The following SNX14 variants were observed in gnomAD, a reference collection of about 807,000 sequenced individuals.
SNX14 encodes the protein sorting nexin 14, also known as sorting nexin-14.
Under a neutral mutation model 133.8 loss-of-function variants are expected in SNX14, and 93 were observed. The observed-to-expected ratio is 0.70, with a 90% CI of 0.59 to 0.83. SNX14 has a LOEUF of 0.83. SNX14 is among the 40% of genes least tolerant of loss of function. The probability of loss-of-function intolerance (pLI) is 0.00; values close to 1 mark genes in which losing one functional copy is unlikely to be tolerated. For synonymous variants in SNX14, 368 were observed against 365.6 expected, an observed-to-expected ratio of 1.01 and a Z score of -0.07; for missense variants, 945 against 1,094.9, an observed-to-expected ratio of 0.86 and a Z score of 1.93.
At chr6:85,517,616 C>G (rs1225406857) in intron 23 of SNX14, 140 bp downstream of exon 23, 11 of 973,712 alleles carry the variant, frequency 1.1e-5, no homozygotes, top group East Asian at 2.7e-5. Flanking sequence ...CTCTGTATAC[C>G]GTTCAACTGA....
rs1419916736 is a variant in SNX14, at chr6:85,533,654, T to C, written c.1755A>G (p.Lys585=). The change falls in exon 18 of 29, where the codon AAA becomes AAG. Residue 585 remains lysine, a synonymous_variant. Transcript: ENST00000314673. ...FEDPSSERKE[K]KERIPVFCID... ...TACAAAACACAGGAATTCTTTCTTTTTTCTCCTTCCTTTCAGAGGAGGGAT... is the reference window on the plus strand; with the variant it reads ...TACAAAACACAGGAATTCTTTCTTTCTTCTCCTTCCTTTCAGAGGAGGGAT... 6.2e-7 allele frequency: 1 copy of C among 1,613,880 alleles called. No individual in the cohort carries two copies. Among genetic ancestry groups the C allele is most frequent in the African/African-American group, 1.3e-5 (1 of 75,058 alleles).
chr6:85,560,105 A>G (rs1442762733), intron 6 of SNX14, among the ~76,000 whole-genome samples: 1 of 152,176 alleles, frequency 6.6e-6, no homozygotes, highest in African/African-American at 2.4e-5. Context: ...TTAGACATAG[A>G]GTTTTTGATC....
intron 7 of SNX14, among the ~76,000 whole-genome samples, chr6:85,557,511 A>C (rs1790151518): frequency 6.6e-6 from 1 of 152,220 alleles, no homozygotes; most frequent in Non-Finnish European, 1.5e-5. Flanking sequence ...GTGAAAGACA[A>C]GACTAGATCT....
chr6:85,558,823 T>G (rs1339233577), intron 6 of SNX14, among the ~76,000 whole-genome samples: 1 of 151,992 alleles, frequency 6.6e-6, no homozygotes, highest in Non-Finnish European at 1.5e-5. Flanking sequence ...TAGAATAAAA[T>G]TAAGTTTCAT....
chr6:85,565,794 T>A (rs1269738360), intron 5 of SNX14, among the ~76,000 whole-genome samples: 1 of 152,140 alleles, frequency 6.6e-6, no homozygotes, highest in Admixed American at 6.5e-5. Flanking sequence ...TTAAATAGTT[T>A]AAAATACTTA....
chr6:85,578,298 C>T (rs1354080327), intron 1 of SNX14, among the ~76,000 whole-genome samples: 2 of 152,052 alleles, frequency 1.3e-5, no homozygotes, highest in Admixed American at 1.3e-4. Flanking sequence ...GATTTGGTAA[C>T]AAGAATTAAA....
At chr6:85,578,059 A>T (rs1797870242) in intron 1 of SNX14, among the ~76,000 whole-genome samples, 1 of 152,218 alleles carries the variant, frequency 6.6e-6, no homozygotes, top group Admixed American at 6.5e-5. Flanking sequence ...GAGTAAGTTA[A>T]GGTTTTTGAT....
chr6:85,581,231 A>G (rs1471867941), intron 1 of SNX14: 1 of 152,202 alleles, frequency 6.6e-6, no homozygotes, highest in Non-Finnish European at 1.5e-5. Context: ...ATTTTATCCA[A>G]CACCACCAAG....
At chr6:85,592,825 TAAA>T (rs11427677) in intron 1 of SNX14, among the ~76,000 whole-genome samples, 8 of 130,652 alleles carry the variant, frequency 6.1e-5, no homozygotes, top group Non-Finnish European at 6.5e-5. Context: ...CCGTCTCTAC[TAAA>T]AAAAAAAAAA....
chr6:85,556,411 A>T (rs35510369), intron 7 of SNX14, among the ~76,000 whole-genome samples: 18,102 of 151,310 alleles, frequency 0.12, 1,654 homozygotes, highest in African/African-American at 0.26. Context: ...AAGAAAAAAA[A>T]TTTGTTTTTA....
At chr6:85,572,075 C>G in intron 4 of SNX14, 62 bp downstream of exon 4, 1 of 1,417,990 alleles carries the variant, frequency 7.1e-7, no homozygotes, top group South Asian at 1.3e-5. Flanking sequence ...ATTAAAAATT[C>G]TGGAAAATTT....
chr6:85,557,116 T>C (rs557361468), intron 7 of SNX14, among the ~76,000 whole-genome samples: 4 of 152,226 alleles, frequency 2.6e-5, no homozygotes, highest in African/African-American at 9.6e-5. Context: ...AAACAAAAAA[T>C]ATGACCGTGA....
intron 26 of SNX14, among the ~76,000 whole-genome samples, chr6:85,512,388 G>A (rs139190993): frequency 7.2e-5 from 11 of 152,232 alleles, no homozygotes; most frequent in East Asian, 1.9e-4. Context: ...TTTGAAGGCC[G>A]AGGCGGGTGG....
chr6:85,538,810 T>C, intron 16 of SNX14, 28 bp downstream of exon 16: 1 of 1,577,978 alleles, frequency 6.3e-7, no homozygotes, highest in Non-Finnish European at 8.6e-7. Flanking sequence ...CATTTAATAC[T>C]GAAAAGAATC....
At chr6:85,580,437 T>G (rs1798684127) in intron 1 of SNX14, among the ~76,000 whole-genome samples, 1 of 152,166 alleles carries the variant, frequency 6.6e-6, no homozygotes, top group Non-Finnish European at 1.5e-5. Flanking sequence ...AAAGAGAGAC[T>G]TCTTCTGCTT....
intron 7 of SNX14, among the ~76,000 whole-genome samples, chr6:85,552,698 C>T (rs1044415635): frequency 3.3e-5 from 5 of 152,108 alleles, no homozygotes; most frequent in African/African-American, 1.2e-4. Flanking sequence ...TTTCAGAAAC[C>T]TGGACCCCCA....
In SNX14 at chr6:85,508,296, T is replaced by C. The variant is rs956302056; in HGVS notation, c.2654-237A>G. On this transcript the variant is annotated intron_variant, in intron 26 of 28. Coordinates refer to ENST00000314673, the MANE Select transcript of SNX14 (RefSeq NM_153816.6). The stretch of plus-strand genomic sequence containing the variant: ...GAGATTCACAATGCACAAGGCATAA[T>C]GCAAACTCTGAGAAATGCTGCAGTA... The C allele has an allele frequency of 1.9e-4, 209 of 1,102,106 alleles. 1 individual carries two copies. The highest frequency in any genetic ancestry group is 5.4e-4 in the Admixed American group (10 of 18,658). 68.3% of individuals were successfully genotyped at this position (1,102,106 alleles called of 1,614,324 possible).
chr6:85,518,863 TTC>T (rs1174093631), intron 21 of SNX14, among the ~76,000 whole-genome samples: 1 of 152,194 alleles, frequency 6.6e-6, no homozygotes, highest in Non-Finnish European at 1.5e-5. Flanking sequence ...TCCTATGCTT[TTC>T]TGTCTTCTAT....
Position 85,507,935 on chromosome 6 carries a change from C to T in SNX14, c.2745+33G>A, listed in dbSNP as rs745984454. ...TACTACGTCGTTCACCAAACCTAGC[C>T]AGCATGAGTTTACGAGCTTTAATGA... On this transcript the variant is annotated intron_variant, in intron 27 of 28. Transcript: ENST00000314673. The T allele has an allele frequency of 3.8e-6, 6 of 1,582,978 alleles. No homozygotes were observed. In the Admixed American group the frequency reaches 5.1e-5, roughly 13 times the overall value.
Sources: gnomAD v4.1 joint callset for allele counts (sites outside exome capture counted in the v4.1 genomes callset) on GRCh38, gnomAD v4.1.1 for gene constraint, MANE v1.5 for transcripts, NCBI Gene and HGNC (gene_info 2026-07-23, HGNC 2026-07-21) for gene names.